GPM6B: variants seen among roughly 807,000 people sequenced by gnomAD.
The protein encoded by GPM6B is glycoprotein M6B, also known as neuronal membrane glycoprotein M6-b.
Under a neutral mutation model 27.2 loss-of-function variants are expected in GPM6B, and 4 were observed. The observed-to-expected ratio is 0.15, with a 90% CI of 0.07 to 0.34. The LOEUF is 0.34. Among genes scored for constraint, GPM6B ranks in the 10% least tolerant of loss-of-function variants. The pLI is 1.00. For synonymous variants in GPM6B, 124 were observed against 103.1 expected (o/e 1.20, Z -1.23); for missense variants, 183 against 261.9 (o/e 0.70, Z 2.08).
At chrX:13,857,876 G>A (rs1349403151) in intron 1 of GPM6B, among the ~76,000 whole-genome samples, 1 of 112,686 alleles carries the variant, frequency 8.9e-6, no homozygotes, top group African/African-American at 3.2e-5. Flanking sequence ...GCAAGGTTTT[G>A]TATTGCAAGC....
At chrX:13,880,166 C>T (rs1275984256) in intron 1 of GPM6B, among the ~76,000 whole-genome samples, 3 of 111,486 alleles carry the variant, frequency 2.7e-5, no homozygotes, top group Non-Finnish European at 5.6e-5. Context: ...AAATGGCAGG[C>T]CACGTTAGCG....
intron 1 of GPM6B, among the ~76,000 whole-genome samples, chrX:13,872,667 G>GA (rs35999855): frequency 0.22 from 22,080 of 99,653 alleles, 2,041 homozygotes; most frequent in East Asian, 0.6. Context: ...TATAGAGTAA[G>GA]AAAAAAAAAA....
chrX:13,822,742 T>A (rs1569236912), intron 1 of GPM6B, among the ~76,000 whole-genome samples: 1 of 111,405 alleles, frequency 9.0e-6, no homozygotes, highest in Non-Finnish European at 1.9e-5. Flanking sequence ...ATCAAATACA[T>A]CGGCCCTCTG....
chrX:13,884,836 G>C lies in GPM6B; in HGVS notation c.-198+53491C>G, dbSNP rs184905860. Among the ~76,000 whole-genome samples, 20 of 111,962 alleles carry C rather than the reference G, an allele frequency of 1.8e-4. 1 individual carries two copies. Among genetic ancestry groups the C allele is most frequent in the Admixed American group, 1.7e-3 (18 of 10,551 alleles). ...AAAAGAGACAAAGATGCAAATAAAT[G>C]TGACAGAAGGAAACATACAACCTCT... is the stretch of plus-strand genomic sequence containing the variant. On this transcript the variant is annotated intron_variant, in intron 1 of 6. Transcript: ENST00000398361.
Position 13,918,590 on chromosome X carries a change from G to A in GPM6B, c.-198+19737C>T, listed in dbSNP as rs764160795. 1.1e-4 allele frequency among the ~76,000 whole-genome samples: 12 copies of A among 112,239 alleles called. No individual in the cohort carries two copies. In the South Asian group the frequency reaches 1.9e-3, roughly 17 times the overall value. Reference sequence around the variant, plus strand: ...TGTATTAGCCCATTCTCACACTGCTGTAAAGAAAACACCCGAGATTGGGTA... The same window carrying A: ...TGTATTAGCCCATTCTCACACTGCTATAAAGAAAACACCCGAGATTGGGTA... On this transcript the variant is annotated intron_variant, in intron 1 of 6. Coordinates refer to the GPM6B transcript ENST00000398361.
At chrX:13,809,999 T>TC (rs2049098090) in intron 1 of GPM6B, among the ~76,000 whole-genome samples, 1 of 105,145 alleles carries the variant, frequency 9.5e-6, no homozygotes, top group African/African-American at 3.5e-5. Context: ...ACGCCTATAG[T>TC]CCCAGCTACT....
intron 1 of GPM6B, among the ~76,000 whole-genome samples, chrX:13,845,557 A>C (rs2049635956): frequency 8.9e-6 from 1 of 112,222 alleles, no homozygotes; most frequent in African/African-American, 3.2e-5. Flanking sequence ...TATATATTTA[A>C]CTTAAAAAGT....
upstream of GPM6B, among the ~76,000 whole-genome samples, chrX:13,817,856 A>G (rs753955378): frequency 6.2e-5 from 7 of 112,454 alleles, no homozygotes. Context: ...TTATTTAAAA[A>G]TAAGCATAAC....
At chrX:13,778,601 C>T (rs928430436) in intron 5 of GPM6B, among the ~76,000 whole-genome samples, 3 of 111,880 alleles carry the variant, frequency 2.7e-5, no homozygotes, top group African/African-American at 9.8e-5. Flanking sequence ...GCCAAGAGTA[C>T]ATCTTTATAC....
intron 1 of GPM6B, among the ~76,000 whole-genome samples, chrX:13,862,326 TTC>T (rs2049862094): frequency 8.9e-6 from 1 of 111,741 alleles, no homozygotes; most frequent in South Asian, 3.8e-4. Context: ...CCACTGGCCC[TTC>T]TCTCTCTTCT....
chrX:13,928,688 T>C (rs1014207701), intron 1 of GPM6B, among the ~76,000 whole-genome samples: 3 of 112,827 alleles, frequency 2.7e-5, no homozygotes, highest in Middle Eastern at 9.2e-3. Context: ...CATCTTAAAA[T>C]CCACCATTTA....
chrX:13,826,286 G>T (rs778484121), intron 1 of GPM6B, among the ~76,000 whole-genome samples: 119 of 110,839 alleles, frequency 1.1e-3, no homozygotes, highest in African/African-American at 3.7e-3. Flanking sequence ...AGGAGACAAG[G>T]AATACCCTTA....
intron 5 of GPM6B, 69 bp downstream of exon 5, chrX:13,779,749 A>G: frequency 1.2e-6 from 1 of 855,111 alleles, no homozygotes; most frequent in South Asian, 3.9e-5. Flanking sequence ...GCATGTAATA[A>G]TTAGGTCCAG....
At chrX:13,794,454 G>C (rs2048772086) in intron 2 of GPM6B, among the ~76,000 whole-genome samples, 1 of 111,822 alleles carries the variant, frequency 8.9e-6, no homozygotes, top group Non-Finnish European at 1.9e-5. Context: ...GTCTCACTCT[G>C]AGCCAGGAGT....
At chrX:13,802,543 T>A (rs919126422) in intron 2 of GPM6B, among the ~76,000 whole-genome samples, 3 of 94,661 alleles carry the variant, frequency 3.2e-5, no homozygotes, top group Non-Finnish European at 6.3e-5. Flanking sequence ...CAGCTATATA[T>A]AAATTATTTT....
intron 1 of GPM6B, among the ~76,000 whole-genome samples, chrX:13,878,159 TAA>T (rs34946712): frequency 0.22 from 23,118 of 105,408 alleles, 2,196 homozygotes; most frequent in East Asian, 0.64. Flanking sequence ...ATAAAGCTGT[TAA>T]AAAAAAAAAT....
In GPM6B at chrX:13,877,824, CAAA is replaced by C. The variant is rs761891419; in HGVS notation, c.-198+60500_-198+60502del. 9.1e-3 allele frequency among the ~76,000 whole-genome samples: 251 copies of C among 27,442 alleles called. 5 individuals carry two copies. The highest frequency in any genetic ancestry group is 0.044 in the African/African-American group (241 of 5,433). The allele number at this position is 27,442 out of a possible 115,157, so 23.8% of individuals were successfully genotyped here. ...CCTGGGCATTAGAGCCAGACTCTGC[CAAA>C]AAAAAAAAAAAAAAAAAAAAAAAAT... On this transcript the variant is annotated intron_variant, in intron 1 of 6. Coordinates refer to the GPM6B transcript ENST00000398361.
chrX:13,809,806 G>A (rs979693473), intron 1 of GPM6B, among the ~76,000 whole-genome samples: 4 of 106,974 alleles, frequency 3.7e-5, no homozygotes, highest in Non-Finnish European at 5.8e-5. Context: ...GCATAGTGGC[G>A]CACACTTGTA....
intron 1 of GPM6B, among the ~76,000 whole-genome samples, chrX:13,918,397 T>C (rs1371161497): frequency 8.9e-6 from 1 of 112,507 alleles, no homozygotes; most frequent in Non-Finnish European, 1.9e-5. Flanking sequence ...GGCAGTCTTA[T>C]TTTTCCAGAG....
Sources: gnomAD v4.1 joint callset for allele counts (sites outside exome capture counted in the v4.1 genomes callset) on GRCh38, gnomAD v4.1.1 for gene constraint, MANE v1.5 for transcripts, NCBI Gene and HGNC (gene_info 2026-07-23, HGNC 2026-07-21) for gene names.